Variants in TNR observed in about 807,000 individuals in gnomAD.
The protein encoded by TNR is tenascin R.
TNR carries 45 observed loss-of-function variants against 150.4 expected under a neutral mutation model. The ratio of observed to expected loss-of-function variants is 0.30; its 90% CI spans 0.24 to 0.38. The LOEUF is 0.38. TNR is among the 10% of genes least tolerant of loss of function. The pLI is 1.00. For synonymous variants in TNR, 687 were observed against 678.4 expected (o/e 1.01, Z -0.20); for missense variants, 1,544 against 1,759.1 (o/e 0.88, Z 2.19).
At position 175,319,275 on chromosome 1, in the gene TNR, G is replaced by T. The variant is rs1648926466; in HGVS notation, c.*4082C>A. ...TAGTCTATTTCAACACCCATAGCTT[G>T]GTGTATCTAGTGTTCTTGCATGTTC... On this transcript the variant is annotated 3_prime_UTR_variant, in exon 23 of 23. Coordinates refer to ENST00000367674, the MANE Select transcript of TNR (RefSeq NM_003285.3). 2 of 152,196 alleles carry T rather than the reference G, an allele frequency of 1.3e-5. No individual in the cohort carries two copies. Among genetic ancestry groups the T allele is most frequent in the African/African-American group, 4.8e-5 (2 of 41,444 alleles). 9.4% of individuals were successfully genotyped at this position (152,196 alleles called of 1,614,324 possible).
At chr1:175,479,980 G>T (rs1466774700) in intron 2 of TNR, among the ~76,000 whole-genome samples, 1 of 152,082 alleles carries the variant, frequency 6.6e-6, no homozygotes, top group African/African-American at 2.4e-5. Context: ...TTCCTCAGAA[G>T]GTGCAAGGTC....
At chr1:175,706,623 C>T (rs1347249356) in intron 1 of TNR, among the ~76,000 whole-genome samples, 2 of 152,128 alleles carry the variant, frequency 1.3e-5, no homozygotes, top group Non-Finnish European at 2.9e-5. Context: ...ATACCATCTC[C>T]CGAGGGAACC....
intron 18 of TNR, among the ~76,000 whole-genome samples, chr1:175,353,204 G>A (rs901489603): frequency 3.3e-5 from 5 of 152,180 alleles, no homozygotes; most frequent in African/African-American, 7.2e-5. Context: ...AACATCTGGC[G>A]TCAAATTCCA....
intron 20 of TNR, 114 bp downstream of exon 20, chr1:175,335,597 G>GTT: frequency 9.9e-7 from 1 of 1,013,192 alleles, no homozygotes; most frequent in African/African-American, 1.6e-5. Flanking sequence ...TTCAGGAGCT[G>GTT]TTAGCTTCTC....
intron 1 of TNR, among the ~76,000 whole-genome samples, chr1:175,547,072 T>C (rs1471729083): frequency 6.6e-6 from 1 of 152,242 alleles, no homozygotes; most frequent in Non-Finnish European, 1.5e-5. Flanking sequence ...GAGGTACCAC[T>C]ATCCAGACAG....
chr1:175,480,200 C>T (rs1255580568), intron 2 of TNR, among the ~76,000 whole-genome samples: 1 of 151,908 alleles, frequency 6.6e-6, no homozygotes, highest in Non-Finnish European at 1.5e-5. Flanking sequence ...GCCCTGAATC[C>T]TGTGCTCACT....
At chr1:175,481,243 C>A (rs947704094) in intron 2 of TNR, among the ~76,000 whole-genome samples, 4 of 152,122 alleles carry the variant, frequency 2.6e-5, no homozygotes, top group African/African-American at 9.7e-5. Context: ...AATGAGTGAA[C>A]AAATGAATGA....
chr1:175,679,920 C>T (rs1665978801), intron 1 of TNR, among the ~76,000 whole-genome samples: 1 of 152,166 alleles, frequency 6.6e-6, no homozygotes, highest in Non-Finnish European at 1.5e-5. Flanking sequence ...CCTATCAAGT[C>T]CAGAGGTCCT....
At chr1:175,734,153 T>A (rs878895369) in intron 1 of TNR, among the ~76,000 whole-genome samples, 1 of 152,168 alleles carries the variant, frequency 6.6e-6, no homozygotes, top group South Asian at 2.1e-4. Flanking sequence ...ATGGGGAGAA[T>A]GTATGTCAAC....
intron 1 of TNR, among the ~76,000 whole-genome samples, chr1:175,552,688 T>C (rs921592666): frequency 1.3e-5 from 2 of 152,226 alleles, no homozygotes; most frequent in Admixed American, 1.3e-4. Context: ...ATTTGAAGTC[T>C]TCTAATTTTG....
chr1:175,329,924 C>T, intron 21 of TNR, 150 bp downstream of exon 21: 1 of 862,720 alleles, frequency 1.2e-6, no homozygotes, highest in Non-Finnish European at 1.7e-6. Context: ...GCCAGTGGTT[C>T]CCAGTGGCAT....
chr1:175,391,572 T>A, intron 6 of TNR, 134 bp from the exon 7 acceptor site: 1 of 974,078 alleles, frequency 1.0e-6, no homozygotes, highest in Non-Finnish European at 1.5e-6. Context: ...CTTTCCTCCA[T>A]GCTGACAGCT....
chr1:175,628,942 T>C (rs1664242474), intron 1 of TNR, among the ~76,000 whole-genome samples: 1 of 152,164 alleles, frequency 6.6e-6, no homozygotes, highest in African/African-American at 2.4e-5. Context: ...AGAAATCTCA[T>C]TTTCTCTCAA....
intron 1 of TNR, among the ~76,000 whole-genome samples, chr1:175,577,505 A>C (rs972843721): frequency 6.6e-6 from 1 of 152,134 alleles, no homozygotes; most frequent in Admixed American, 6.5e-5. Flanking sequence ...GGAATCTTCC[A>C]TCTTCACTAG....
At chr1:175,659,472 C>T (rs982303891) in intron 1 of TNR, among the ~76,000 whole-genome samples, 2 of 152,180 alleles carry the variant, frequency 1.3e-5, no homozygotes, top group Non-Finnish European at 2.9e-5. Context: ...GGCATGTTGA[C>T]CTATGGGCTC....
At chr1:175,733,718 G>C (rs1171490145) in intron 1 of TNR, among the ~76,000 whole-genome samples, 1 of 152,066 alleles carries the variant, frequency 6.6e-6, no homozygotes, top group African/African-American at 2.4e-5. Flanking sequence ...TGGATCAACA[G>C]CATGCTTTCC....
At chr1:175,373,479 G>A (rs1316419953) in intron 9 of TNR, among the ~76,000 whole-genome samples, 2 of 152,206 alleles carry the variant, frequency 1.3e-5, no homozygotes, top group East Asian at 3.8e-4. Flanking sequence ...TTCCTGGAAT[G>A]AGTCAGGCTT....
intron 2 of TNR, among the ~76,000 whole-genome samples, chr1:175,475,505 CTTTA>C (rs1202438493): frequency 3.3e-5 from 5 of 152,234 alleles, no homozygotes; most frequent in Admixed American, 3.3e-4. Context: ...ACTCCTCTGG[CTTTA>C]TTTCCTATTG....
chr1:175,668,787 G>A (rs1179449923), intron 1 of TNR, among the ~76,000 whole-genome samples: 1 of 152,116 alleles, frequency 6.6e-6, no homozygotes, highest in Non-Finnish European at 1.5e-5. Flanking sequence ...GAACAACTGA[G>A]GCTAAAAGAA....
Sources: gnomAD v4.1 joint callset for allele counts (sites outside exome capture counted in the v4.1 genomes callset) on GRCh38, gnomAD v4.1.1 for gene constraint, MANE v1.5 for transcripts, NCBI Gene and HGNC (gene_info 2026-07-23, HGNC 2026-07-21) for gene names.